SAMD4A: variants seen among roughly 807,000 people sequenced by gnomAD.
The protein encoded by SAMD4A is sterile alpha motif domain containing 4A, also known as protein Smaug homolog 1.
A neutral mutation model predicts 81.3 loss-of-function variants in SAMD4A; 33 were observed. The observed-to-expected ratio is 0.41, with a 90% CI of 0.31 to 0.54. The LOEUF (loss-of-function observed/expected upper bound fraction) is 0.54, where lower values mean the gene tolerates loss of function less well. SAMD4A is among the 20% of genes least tolerant of loss of function. SAMD4A has a pLI of 0.37. For synonymous variants in SAMD4A, 389 were observed against 382.1 expected (o/e 1.02, Z -0.21); for missense variants, 854 against 951.1 (o/e 0.90, Z 1.34).
intron 3 of SAMD4A, among the ~76,000 whole-genome samples, chr14:54,710,992 C>G (rs2036976069): frequency 6.6e-6 from 1 of 152,164 alleles, no homozygotes; most frequent in Admixed American, 6.5e-5. Flanking sequence ...GATGTGGCCT[C>G]TGAATCATCC....
intron 2 of SAMD4A, among the ~76,000 whole-genome samples, chr14:54,700,130 TG>T (rs1199484314): frequency 1.3e-5 from 2 of 152,220 alleles, no homozygotes; most frequent in East Asian, 3.8e-4. Context: ...CCACCCACAT[TG>T]CTCTAACATG....
At chr14:54,591,297 G>C (rs2033768394) in intron 2 of SAMD4A, among the ~76,000 whole-genome samples, 1 of 152,082 alleles carries the variant, frequency 6.6e-6, no homozygotes, top group Admixed American at 6.6e-5. Context: ...ATGTATTCGT[G>C]GTTTTCACAG....
At position 54,737,346 on chromosome 14, in the gene SAMD4A, AGGGT is replaced by A; in HGVS notation, c.979+60_979+63del. On this transcript the variant is annotated intron_variant, in intron 4 of 12. Transcript: ENST00000554335. ...AGCCCCTCCCTTTATTGGAGACCAG[AGGGT>A]AAAAAAAGAGAGGTAGTCAGCAAGA... 3.1e-6 allele frequency: 5 copies of A among 1,589,168 alleles called. No homozygotes were observed. The Admixed American group carries it at 5.6e-5, about 18-fold the overall frequency.
Position 54,571,011 on chromosome 14 carries a change from T to C in SAMD4A, c.196+2899T>C, listed in dbSNP as rs958787043. ...GGTAAATGGGAACCAAATTCATATA[T>C]GGGACTCGATCTCAGTATAATAAAA... On this transcript the variant is annotated intron_variant, in intron 2 of 12. Transcript: ENST00000554335. Among the ~76,000 whole-genome samples the C allele has an allele frequency of 2.2e-5, 3 of 137,522 alleles. No homozygotes were observed. The South Asian group carries it at 6.9e-4, about 32-fold the overall frequency. 90.2% of individuals were successfully genotyped at this position (137,522 alleles called of 152,430 possible). A position where few individuals can be genotyped will look rare whatever the true frequency, so the allele number is the denominator to read the frequency against.
chr14:54,774,834 AATGAG>A, intron 9 of SAMD4A, 95 bp from the exon 10 acceptor site: 1 of 991,514 alleles, frequency 1.0e-6, no homozygotes, highest in Non-Finnish European at 1.5e-6. Flanking sequence ...AAAAAAAAAA[AATGAG>A]GAGACCTCCA....
chr14:54,753,559 C>T (rs984465321), intron 6 of SAMD4A, among the ~76,000 whole-genome samples: 2 of 152,168 alleles, frequency 1.3e-5, no homozygotes, highest in Non-Finnish European at 2.9e-5. Flanking sequence ...AAAATGGAGT[C>T]TCTTATGTCT....
intron 4 of SAMD4A, among the ~76,000 whole-genome samples, chr14:54,745,899 C>A (rs1313675682): frequency 6.6e-6 from 1 of 152,188 alleles, no homozygotes; most frequent in Non-Finnish European, 1.5e-5. Context: ...CAACCATAGC[C>A]ACAGCCCACA....
At chr14:54,619,841 T>A (rs987713943) in intron 2 of SAMD4A, among the ~76,000 whole-genome samples, 1 of 152,254 alleles carries the variant, frequency 6.6e-6, no homozygotes, top group African/African-American at 2.4e-5. Flanking sequence ...TATGGCTGCA[T>A]AGTATTTCAT....
rs76523163 is a variant in SAMD4A, at chr14:54,685,738, A to G, written c.197-16324A>G. ...GTGGTGTGTGGTAAGAACACTTACA[A>G]CCAGAACAGAGAGAACCAGAAAATC... On this transcript the variant is annotated intron_variant, in intron 2 of 12. Coordinates refer to ENST00000554335, the MANE Select transcript of SAMD4A (RefSeq NM_015589.6). 5.9e-3 allele frequency: 2,704 copies of G among 456,704 alleles called. 54 individuals are homozygous for G. The highest frequency in any genetic ancestry group is 0.047 in the African/African-American group (2,369 of 50,184). 28.3% of individuals were successfully genotyped at this position (456,704 alleles called of 1,614,324 possible).
intron 6 of SAMD4A, 74 bp from the exon 7 acceptor site, chr14:54,760,087 G>A: frequency 6.8e-7 from 1 of 1,478,680 alleles, no homozygotes; most frequent in Non-Finnish European, 9.2e-7. Context: ...GCTCAGGGCA[G>A]GGGAGGGCAG....
intron 2 of SAMD4A, among the ~76,000 whole-genome samples, chr14:54,687,021 G>A (rs149608570): frequency 1.4e-5 from 2 of 139,974 alleles, no homozygotes; most frequent in Non-Finnish European, 3.3e-5. Flanking sequence ...GTGATTCATG[G>A]AGCTGACCCT....
chr14:54,613,774 G>A (rs1441331257), intron 2 of SAMD4A, among the ~76,000 whole-genome samples: 1 of 152,186 alleles, frequency 6.6e-6, no homozygotes, highest in Non-Finnish European at 1.5e-5. Flanking sequence ...TTAAAGTGAA[G>A]TTCTCAAAGT....
intron 2 of SAMD4A, among the ~76,000 whole-genome samples, chr14:54,589,105 A>C (rs532931655): frequency 6.6e-6 from 1 of 152,322 alleles, no homozygotes; most frequent in East Asian, 1.9e-4. Context: ...TAGCACCCTT[A>C]TCTTAGAAAG....
intron 2 of SAMD4A, among the ~76,000 whole-genome samples, chr14:54,660,916 G>C (rs1263097604): frequency 6.6e-6 from 1 of 152,310 alleles, no homozygotes; most frequent in East Asian, 1.9e-4. Flanking sequence ...TGCATTGAGA[G>C]CTCAGGGAAG....
chr14:54,574,299 G>A (rs2033220988), intron 2 of SAMD4A, among the ~76,000 whole-genome samples: 1 of 152,204 alleles, frequency 6.6e-6, no homozygotes. Flanking sequence ...TTGAGTGAAA[G>A]GAGAGAACAG....
intron 2 of SAMD4A, among the ~76,000 whole-genome samples, chr14:54,659,398 G>T (rs2035590459): frequency 6.6e-6 from 1 of 152,156 alleles, no homozygotes; most frequent in African/African-American, 2.4e-5. Flanking sequence ...CTGTGTGTGT[G>T]TGTGCGTGCG....
chr14:54,637,487 G>GTT (rs2035064563), intron 2 of SAMD4A, among the ~76,000 whole-genome samples: 1 of 152,020 alleles, frequency 6.6e-6, no homozygotes, highest in African/African-American at 2.4e-5. Flanking sequence ...GAAGCCAGGT[G>GTT]AAGAAGGAGT....
chr14:54,705,501 C>T (rs1461297066), intron 3 of SAMD4A, among the ~76,000 whole-genome samples: 1 of 152,230 alleles, frequency 6.6e-6, no homozygotes, highest in Non-Finnish European at 1.5e-5. Context: ...TAGTACTACA[C>T]ATTTTCAAAT....
chr14:54,757,714 C>T (rs904062488), intron 6 of SAMD4A, among the ~76,000 whole-genome samples: 4 of 152,164 alleles, frequency 2.6e-5, no homozygotes, highest in Non-Finnish European at 2.9e-5. Flanking sequence ...AGCCCCTCTT[C>T]ATGGGGAAGC....
Sources: gnomAD v4.1 joint callset for allele counts (sites outside exome capture counted in the v4.1 genomes callset) on GRCh38, gnomAD v4.1.1 for gene constraint, MANE v1.5 for transcripts, NCBI Gene and HGNC (gene_info 2026-07-23, HGNC 2026-07-21) for gene names.